The following SGK1 variants were observed in gnomAD, a reference collection of about 807,000 sequenced individuals.
The protein encoded by SGK1 is serine/threonine-protein kinase Sgk1.
In SGK1, 26 loss-of-function variants were observed where a neutral mutation model predicts 64.2. The observed-to-expected ratio is 0.40, with a 90% CI of 0.30 to 0.56. SGK1 has a LOEUF of 0.56. Among genes scored for constraint, SGK1 ranks in the 20% least tolerant of loss-of-function variants. The pLI is 0.38. For missense variants in SGK1, 519 were observed against 645.6 expected, an observed-to-expected ratio of 0.80 and a Z score of 2.12; for synonymous variants, 265 against 239.7, an observed-to-expected ratio of 1.11 and a Z score of -0.98.
intron 1 of SGK1, among the ~76,000 whole-genome samples, chr6:134,281,997 G>A (rs1400713576): frequency 6.6e-6 from 1 of 152,112 alleles, no homozygotes; most frequent in African/African-American, 2.4e-5. Flanking sequence ...GAAAATTCCT[G>A]GAGTTTTAAA....
chr6:134,174,352 T>TA, intron 4 of SGK1, 159 bp downstream of exon 4: 1 of 630,978 alleles, frequency 1.6e-6, no homozygotes, highest in South Asian at 2.0e-5. Context: ...AAATTAACTT[T>TA]AATGTTTAAA....
At chr6:134,308,605 G>A (rs1006936548) in intron 1 of SGK1, among the ~76,000 whole-genome samples, 18 of 152,052 alleles carry the variant, frequency 1.2e-4, no homozygotes, top group Non-Finnish European at 2.9e-5. Flanking sequence ...CACCCAGCCT[G>A]GCGTGAAGTG....
intron 2 of SGK1, among the ~76,000 whole-genome samples, chr6:134,232,411 A>AGAGAG (rs1776294248): frequency 3.3e-5 from 1 of 30,282 alleles, no homozygotes; most frequent in African/African-American, 1.0e-4. Flanking sequence ...AAAAGAAAGA[A>AGAGAG]AGAGAAAGAA....
At chr6:134,186,246 GTACA>G (rs1392590058) in intron 3 of SGK1, among the ~76,000 whole-genome samples, 2 of 152,160 alleles carry the variant, frequency 1.3e-5, no homozygotes, top group African/African-American at 4.8e-5. Context: ...CCTGTTCTGT[GTACA>G]ACAGAAAACA....
At chr6:134,266,490 C>T (rs1365085659) in intron 1 of SGK1, among the ~76,000 whole-genome samples, 1 of 151,926 alleles carries the variant, frequency 6.6e-6, no homozygotes, top group African/African-American at 2.4e-5. Context: ...TGGTGCACAC[C>T]CGTAACCCCA....
intron 1 of SGK1, among the ~76,000 whole-genome samples, chr6:134,267,644 T>C (rs1368250434): frequency 1.3e-5 from 2 of 152,112 alleles, no homozygotes; most frequent in African/African-American, 4.8e-5. Context: ...ATAAGTAAAC[T>C]ATAAGTAAGA....
intron 1 of SGK1, among the ~76,000 whole-genome samples, chr6:134,294,647 G>C (rs1777317561): frequency 6.6e-6 from 1 of 152,110 alleles, no homozygotes; most frequent in Admixed American, 6.5e-5. Context: ...TGATTCTCCT[G>C]GCTCAGCCTC....
chr6:134,288,833 C>T (rs1408755453), intron 1 of SGK1, among the ~76,000 whole-genome samples: 1 of 152,184 alleles, frequency 6.6e-6, no homozygotes, highest in Non-Finnish European at 1.5e-5. Flanking sequence ...GAAACCAACA[C>T]CAGGAAATGT....
At chr6:134,194,549 C>T (rs974619906) in intron 3 of SGK1, among the ~76,000 whole-genome samples, 1 of 144,850 alleles carries the variant, frequency 6.9e-6, no homozygotes, top group Admixed American at 7.2e-5. Context: ...GACGGAGTCT[C>T]GCTCCGTTAC....
intron 1 of SGK1, among the ~76,000 whole-genome samples, chr6:134,307,832 T>C (rs1777556217): frequency 6.6e-6 from 1 of 152,164 alleles, no homozygotes; most frequent in African/African-American, 2.4e-5. Context: ...CTCTCTCTAT[T>C]CCACCAAGTA....
intron 1 of SGK1, among the ~76,000 whole-genome samples, chr6:134,307,550 G>T (rs1777552402): frequency 6.6e-6 from 1 of 152,142 alleles, no homozygotes; most frequent in Non-Finnish European, 1.5e-5. Context: ...TATAGCCAAT[G>T]CATACCCTCC....
intron 13 of SGK1, 30 bp from the exon 14 acceptor site, chr6:134,170,465 C>T (rs773440683): frequency 3.1e-6 from 5 of 1,594,616 alleles, no homozygotes; most frequent in Non-Finnish European, 4.3e-6. Context: ...ACACTCTTGT[C>T]AAGAACTCAC....
intron 2 of SGK1, among the ~76,000 whole-genome samples, chr6:134,208,822 G>GTA (rs998849345): frequency 1.3e-5 from 2 of 148,908 alleles, no homozygotes; most frequent in East Asian, 2.0e-4. Context: ...ATACACGCAT[G>GTA]TATATATATG....
chr6:134,186,326 C>A (rs535906907), intron 3 of SGK1, among the ~76,000 whole-genome samples: 1 of 152,014 alleles, frequency 6.6e-6, no homozygotes, highest in Non-Finnish European at 1.5e-5. Flanking sequence ...TGCTGATATC[C>A]CATAACTTAA....
At chr6:134,311,611 A>G (rs768860587) in intron 1 of SGK1, among the ~76,000 whole-genome samples, 15 of 152,322 alleles carry the variant, frequency 9.8e-5, no homozygotes, top group Non-Finnish European at 2.1e-4. Flanking sequence ...AGATGGTGCC[A>G]CTGCACTCCA....
At chr6:134,203,286 GAGC>G (rs2114678801) in intron 3 of SGK1, among the ~76,000 whole-genome samples, 1 of 152,224 alleles carries the variant, frequency 6.6e-6, no homozygotes, top group East Asian at 1.9e-4. Context: ...GTAATCTTCA[GAGC>G]ACCACTGAAA....
chr6:134,240,025 C>T (rs986585266), intron 2 of SGK1, among the ~76,000 whole-genome samples: 35 of 152,254 alleles, frequency 2.3e-4, no homozygotes, highest in African/African-American at 8.4e-4. Context: ...GGCGCAGTGG[C>T]TCACGCCTGT....
chr6:134,183,254 G>A (rs1005288946), intron 3 of SGK1, among the ~76,000 whole-genome samples: 24 of 151,074 alleles, frequency 1.6e-4, no homozygotes, highest in African/African-American at 4.9e-4. Flanking sequence ...GATGAAATTA[G>A]GATAATTGGG....
At chr6:134,177,171 G>A (rs1222440196) in intron 3 of SGK1, among the ~76,000 whole-genome samples, 2 of 152,088 alleles carry the variant, frequency 1.3e-5, no homozygotes, top group South Asian at 2.1e-4. Flanking sequence ...CCGAGATCAC[G>A]CCACTGCACT....
Sources: allele counts gnomAD v4.1 joint callset (sites outside exome capture counted in the v4.1 genomes callset), GRCh38; gene constraint gnomAD v4.1.1; transcripts MANE v1.5; gene names NCBI Gene and HGNC (gene_info 2026-07-23, HGNC 2026-07-21).